RGS6: variants seen among roughly 807,000 people sequenced by gnomAD.
RGS6 encodes regulator of G-protein signaling 6.
Under a neutral mutation model 78.5 loss-of-function variants are expected in RGS6, and 30 were observed. The observed-to-expected ratio is 0.38, with a 90% CI of 0.29 to 0.52. RGS6 has a LOEUF of 0.52. RGS6 is among the 20% of genes least tolerant of loss of function. RGS6 has a pLI of 0.85. For missense variants in RGS6, 495 were observed against 609.7 expected (o/e 0.81, Z 1.98); for synonymous variants, 206 against 206.0 (o/e 1.00, Z 0.00).
chr14:72,601,458 G>T, the RGS6 span, among the ~76,000 whole-genome samples: 1 of 152,160 alleles, frequency 6.6e-6, no homozygotes, highest in Non-Finnish European at 1.5e-5. Context: ...TCGGACCTCA[G>T]CCCCAGGCAC....
At chr14:72,504,699 A>G (rs1013581232) in intron 13 of RGS6, among the ~76,000 whole-genome samples, 3 of 149,686 alleles carry the variant, frequency 2.0e-5, no homozygotes, top group Non-Finnish European at 4.4e-5. Context: ...ACAGCAGTTT[A>G]GGTTCCTCTC....
chr14:72,115,122 T>C (rs1202365426), intron 2 of RGS6, among the ~76,000 whole-genome samples: 1 of 152,212 alleles, frequency 6.6e-6, no homozygotes, highest in Non-Finnish European at 1.5e-5. Flanking sequence ...AATCTTGACA[T>C]GGAACGTGTC....
intron 3 of RGS6, among the ~76,000 whole-genome samples, chr14:72,403,815 A>T (rs1328756622): frequency 2.0e-5 from 3 of 152,206 alleles, no homozygotes; most frequent in Admixed American, 6.5e-5. Context: ...CCAATACTTA[A>T]CTCCTTTAAG....
At chr14:72,106,199 C>G (rs2153535738) in intron 2 of RGS6, among the ~76,000 whole-genome samples, 1 of 152,300 alleles carries the variant, frequency 6.6e-6, no homozygotes, top group Non-Finnish European at 1.5e-5. Context: ...TCTTTCTACC[C>G]ATTCAATCAT....
At chr14:72,566,629 T>TCTCACACACACACA (rs1349119393), downstream of RGS6, 4 of 105,894 alleles carry the variant, frequency 3.8e-5, no homozygotes, top group African/African-American at 1.6e-4. Context: ...TTCCCCATTA[T>TCTCACACACACACA]CACACACACA....
chr14:72,245,956 G>T (rs561232731), intron 2 of RGS6, among the ~76,000 whole-genome samples: 2 of 152,288 alleles, frequency 1.3e-5, no homozygotes, highest in East Asian at 3.9e-4. Context: ...CATAGGGAGG[G>T]TACCTTTCAC....
intron 2 of RGS6, among the ~76,000 whole-genome samples, chr14:71,994,925 A>G (rs56661004): frequency 0.23 from 34,672 of 152,100 alleles, 4,061 homozygotes; most frequent in South Asian, 0.25. Flanking sequence ...AAAGTACCAC[A>G]AGCCTGAGGT....
the RGS6 span, among the ~76,000 whole-genome samples, chr14:72,585,436 G>A: frequency 6.6e-6 from 1 of 152,168 alleles, no homozygotes; most frequent in African/African-American, 2.4e-5. Flanking sequence ...GAAGGGAAGG[G>A]AAAAAAGCAG....
At chr14:71,904,413 G>A in the RGS6 span, among the ~76,000 whole-genome samples, 1 of 152,176 alleles carries the variant, frequency 6.6e-6, no homozygotes, top group Non-Finnish European at 1.5e-5. Context: ...TCAGGAAAGG[G>A]GAGTTCTCTT....
At chr14:72,055,265 T>A (rs1217019962) in intron 2 of RGS6, among the ~76,000 whole-genome samples, 2 of 152,190 alleles carry the variant, frequency 1.3e-5, no homozygotes, top group Non-Finnish European at 2.9e-5. Flanking sequence ...GCAGAAAAGA[T>A]CCTATCAGTT....
chr14:71,936,800 AGAAG>A (rs975013677), intron 1 of RGS6, among the ~76,000 whole-genome samples: 3 of 152,240 alleles, frequency 2.0e-5, no homozygotes, highest in African/African-American at 7.2e-5. Flanking sequence ...TTTTAACAAA[AGAAG>A]GAGGAAATAC....
At chr14:71,909,490 A>G in the RGS6 span, among the ~76,000 whole-genome samples, 1 of 151,988 alleles carries the variant, frequency 6.6e-6, no homozygotes, top group Admixed American at 6.6e-5. Context: ...ACAGAGAGAG[A>G]GAGAGAGAGA....
intron 2 of RGS6, among the ~76,000 whole-genome samples, chr14:71,984,957 T>A (rs2094630501): frequency 6.6e-6 from 1 of 152,136 alleles, no homozygotes; most frequent in Non-Finnish European, 1.5e-5. Flanking sequence ...ATGACTAAAG[T>A]TAACATTTTG....
At chr14:71,905,499 CT>C in the RGS6 span, among the ~76,000 whole-genome samples, 4 of 151,244 alleles carry the variant, frequency 2.6e-5, no homozygotes, top group South Asian at 4.2e-4. Context: ...TTTCTTTTCT[CT>C]TTTTTTTTGA....
intron 2 of RGS6, among the ~76,000 whole-genome samples, chr14:72,042,874 A>G (rs2092541595): frequency 6.6e-6 from 1 of 152,192 alleles, no homozygotes; most frequent in African/African-American, 2.4e-5. Flanking sequence ...TTTCTAGGTC[A>G]AAGAATAATG....
chr14:72,412,421 G>A lies in RGS6; in HGVS notation c.185-42107G>A, dbSNP rs1446623210. On this transcript the variant is annotated intron_variant, in intron 3 of 17. Coordinates refer to ENST00000553525, the MANE Select transcript of RGS6 (RefSeq NM_001204424.2). ...TGGGATCAGTGGTGATATCCCCTTT[G>A]TCATTTTTTATTGCGTCTATTTGAT... Among the ~76,000 whole-genome samples, 8 of 151,854 alleles carry A rather than the reference G, an allele frequency of 5.3e-5. No individual in the cohort carries two copies. In the South Asian group the frequency reaches 6.3e-4, roughly 12 times the overall value.
the RGS6 span, among the ~76,000 whole-genome samples, chr14:71,880,386 A>G: frequency 2.0e-5 from 3 of 152,220 alleles, no homozygotes; most frequent in Non-Finnish European, 4.4e-5. Flanking sequence ...GACAATGGGG[A>G]AAATGTCTCC....
At chr14:72,475,707 C>T (rs1191796186) in intron 10 of RGS6, among the ~76,000 whole-genome samples, 1 of 151,894 alleles carries the variant, frequency 6.6e-6, no homozygotes, top group Non-Finnish European at 1.5e-5. Flanking sequence ...CCAGCCTGGG[C>T]AACAAGAGCG....
intron 2 of RGS6, among the ~76,000 whole-genome samples, chr14:72,091,353 G>C (rs2095263908): frequency 6.6e-6 from 1 of 152,198 alleles, no homozygotes; most frequent in Admixed American, 6.5e-5. Context: ...CACGTGAAGA[G>C]AGCATTAGGT....
Sources: allele counts gnomAD v4.1 joint callset (sites outside exome capture counted in the v4.1 genomes callset), GRCh38; gene constraint gnomAD v4.1.1; transcripts MANE v1.5; gene names NCBI Gene and HGNC (gene_info 2026-07-23, HGNC 2026-07-21).